Variants in MSRB3 observed in about 807,000 individuals in gnomAD.
The protein encoded by MSRB3 is methionine sulfoxide reductase B3.
MSRB3 carries 13 observed loss-of-function variants against 21.0 expected under a neutral mutation model. The observed-to-expected ratio is 0.62, with a 90% CI of 0.40 to 0.98. MSRB3 has a LOEUF of 0.98. Among genes scored for constraint, MSRB3 ranks in the 50% least tolerant of loss-of-function variants. The pLI is 0.00. For missense variants in MSRB3, 199 were observed against 230.3 expected, an observed-to-expected ratio of 0.86 and a Z score of 0.88; for synonymous variants, 87 against 88.6, an observed-to-expected ratio of 0.98 and a Z score of 0.10.
chr12:65,329,976 C>T (rs1875303597), intron 4 of MSRB3, among the ~76,000 whole-genome samples: 1 of 152,192 alleles, frequency 6.6e-6, no homozygotes, highest in Non-Finnish European at 1.5e-5. Flanking sequence ...AGAAAACACA[C>T]TCCGTATATA....
At chr12:65,323,770 A>C (rs769292305) in intron 2 of MSRB3, among the ~76,000 whole-genome samples, 24 of 152,230 alleles carry the variant, frequency 1.6e-4, no homozygotes, top group Non-Finnish European at 2.4e-4. Flanking sequence ...GAGAAGGGAA[A>C]TAAGAGACAA....
At chr12:65,454,484 C>G (rs1164723786) in intron 6 of MSRB3, among the ~76,000 whole-genome samples, 1 of 152,052 alleles carries the variant, frequency 6.6e-6, no homozygotes, top group Non-Finnish European at 1.5e-5. Flanking sequence ...TTTTGATAAT[C>G]TCCCTCTCCT....
chr12:65,407,852 A>T (rs145607953), intron 5 of MSRB3, among the ~76,000 whole-genome samples: 1 of 150,346 alleles, frequency 6.7e-6, no homozygotes, highest in Non-Finnish European at 1.5e-5. Flanking sequence ...CATAAAAAGG[A>T]CTCTTCATTT....
chr12:65,447,740 A>G (rs1462245407), intron 5 of MSRB3, among the ~76,000 whole-genome samples: 1 of 152,188 alleles, frequency 6.6e-6, no homozygotes, highest in Non-Finnish European at 1.5e-5. Context: ...ATGGGGAGAA[A>G]GAAACCTGAA....
chr12:65,422,679 T>C (rs1003742260), intron 5 of MSRB3, among the ~76,000 whole-genome samples: 1 of 151,448 alleles, frequency 6.6e-6, no homozygotes, highest in Non-Finnish European at 1.5e-5. Context: ...TTAATTCTTT[T>C]AATCCGTGAA....
At chr12:65,281,807 C>T (rs535581975) in intron 1 of MSRB3, 1 of 152,194 alleles carries the variant, frequency 6.6e-6, no homozygotes, top group South Asian at 2.1e-4. Context: ...ATGAAATAGC[C>T]TATAATGGGT....
chr12:65,395,900 CTTAG>C (rs952657198), intron 5 of MSRB3, among the ~76,000 whole-genome samples: 29 of 152,112 alleles, frequency 1.9e-4, no homozygotes, highest in African/African-American at 7.0e-4. Context: ...CACTTTTTAT[CTTAG>C]TTAACCTAGC....
Position 65,326,910 on chromosome 12 carries a change from T to C in MSRB3, c.161T>C (p.Val54Ala). The part of the protein sequence containing the change: ...RKRLTPLQYH[V>A]TQEKGTESAF... ...CGGCTAACACCCCTGCAGTACCATG[T>C]CACTCAGGAGAAAGGGACCGAAAGG... The change falls in exon 3 of 7, where the codon GTC becomes GCC. Residue 54 changes from valine (V) to alanine (A), a missense_variant. Physicochemically the swap from Val to Ala is moderately conservative, Grantham distance 64 (BLOSUM62 0). Transcript: ENST00000308259. The C allele has an allele frequency of 6.2e-7, 1 of 1,613,868 alleles. No homozygotes were observed. Among genetic ancestry groups the C allele is most frequent in the South Asian group, 1.1e-5 (1 of 91,046 alleles).
chr12:65,400,223 A>C (rs1319429906), intron 5 of MSRB3, among the ~76,000 whole-genome samples: 1 of 148,130 alleles, frequency 6.8e-6, no homozygotes. Flanking sequence ...CAGTGAATCC[A>C]TCTGGTCCTG....
chr12:65,292,763 G>A lies in MSRB3; in HGVS notation c.-52+13898G>A, dbSNP rs1023541789. Among the ~76,000 whole-genome samples the A allele has an allele frequency of 7.2e-5, 11 of 152,246 alleles. No individual in the cohort carries two copies. In the East Asian group the frequency reaches 1.5e-3, roughly 21 times the overall value. ...AAGAGTGTAGCTCATTGAAGATTGGGAAAGAAGAGTAGTGTGGTGCTCTTC... is the reference window on the plus strand; with the variant it reads ...AAGAGTGTAGCTCATTGAAGATTGGAAAAGAAGAGTAGTGTGGTGCTCTTC... On this transcript the variant is annotated intron_variant, in intron 1 of 6. Coordinates refer to ENST00000308259, the MANE Select transcript of MSRB3 (RefSeq NM_001031679.3).
chr12:65,328,785 C>G (rs1477870765), intron 4 of MSRB3, among the ~76,000 whole-genome samples, 182 bp downstream of exon 4: 1 of 152,194 alleles, frequency 6.6e-6, no homozygotes, highest in African/African-American at 2.4e-5. Context: ...GTGTGACAGA[C>G]TGGCTGATTT....
chr12:65,419,271 T>C (rs1881149511), intron 5 of MSRB3: 1 of 737,028 alleles, frequency 1.4e-6, no homozygotes, highest in East Asian at 2.5e-5. Flanking sequence ...CCCAGATGTC[T>C]GCCATGATCT....
chr12:65,347,749 A>C (rs1876619933), intron 4 of MSRB3, among the ~76,000 whole-genome samples: 1 of 152,194 alleles, frequency 6.6e-6, no homozygotes, highest in Admixed American at 6.5e-5. Context: ...TATTATTTGC[A>C]GATATGTCCC....
At chr12:65,420,995 CTGGGTGTAATGGTAGT>C (rs543973950) in intron 5 of MSRB3, among the ~76,000 whole-genome samples, 200 of 152,278 alleles carry the variant, frequency 1.3e-3, no homozygotes, top group Admixed American at 6.3e-3. Flanking sequence ...AGTGAAACTG[CTGGGTGTAATGGTAGT>C]TCCACTTTTA....
In MSRB3 at chr12:65,278,774, C is replaced by G; in HGVS notation, c.-143C>G. The G allele has an allele frequency of 6.3e-7, 1 of 1,577,732 alleles. No homozygotes were observed. Among genetic ancestry groups the G allele is most frequent in the African/African-American group, 1.3e-5 (1 of 74,160 alleles). ...GGCGGCTGCCTGGCCTTTCCATGAG[C>G]CCGCGGCGGACCCTCCCGCGCCCCC... On this transcript the variant is annotated 5_prime_UTR_variant, in exon 1 of 7. Transcript: ENST00000308259.
chr12:65,411,314 T>C (rs1234848347), intron 5 of MSRB3, among the ~76,000 whole-genome samples: 1 of 152,214 alleles, frequency 6.6e-6, no homozygotes, highest in East Asian at 1.9e-4. Flanking sequence ...AATGTGAGCC[T>C]TCCATGGGGA....
chr12:65,338,190 A>AT (rs941400469), intron 4 of MSRB3, among the ~76,000 whole-genome samples: 43 of 151,704 alleles, frequency 2.8e-4, no homozygotes, highest in Middle Eastern at 3.4e-3. Context: ...TTTCTGAATA[A>AT]TTTTTTTTTG....
intron 5 of MSRB3, among the ~76,000 whole-genome samples, chr12:65,434,588 T>C (rs1022206681): frequency 4.0e-5 from 6 of 151,804 alleles, no homozygotes; most frequent in African/African-American, 1.2e-4. Context: ...GGACTTGGAG[T>C]TGTAAAAATT....
intron 1 of MSRB3, among the ~76,000 whole-genome samples, chr12:65,295,333 C>G (rs1200237176): frequency 6.6e-6 from 1 of 152,140 alleles, no homozygotes; most frequent in East Asian, 1.9e-4. Flanking sequence ...TAGAGTGGGT[C>G]CTGTAGATCC....
Sources: allele counts gnomAD v4.1 joint callset (sites outside exome capture counted in the v4.1 genomes callset), GRCh38; gene constraint gnomAD v4.1.1; transcripts MANE v1.5; gene names NCBI Gene and HGNC (gene_info 2026-07-23, HGNC 2026-07-21).